AKAP19: variants seen among roughly 807,000 people sequenced by gnomAD.
The protein encoded by AKAP19 is A-kinase anchoring protein 19.
the AKAP19 span, among the ~76,000 whole-genome samples, chr2:190,131,020 A>G: frequency 1.3e-5 from 2 of 152,206 alleles, no homozygotes; most frequent in African/African-American, 2.4e-5. Flanking sequence ...TATAAGAAAT[A>G]TATGTATTGG....
chr2:189,950,343 T>TG, the AKAP19 span, among the ~76,000 whole-genome samples: 12 of 149,646 alleles, frequency 8.0e-5, no homozygotes, highest in Admixed American at 6.0e-4. Flanking sequence ...TGTTTTTTTT[T>TG]TTTGTTTTTT....
the AKAP19 span, among the ~76,000 whole-genome samples, chr2:190,117,536 T>A: frequency 0.012 from 1,834 of 152,316 alleles, 30 homozygotes; most frequent in African/African-American, 0.04. Context: ...ATTGTAATAG[T>A]AGCACAGTAA....
the AKAP19 span, among the ~76,000 whole-genome samples, chr2:190,000,487 C>T: frequency 6.6e-6 from 1 of 152,180 alleles, no homozygotes; most frequent in African/African-American, 2.4e-5. Flanking sequence ...TCTCTATATC[C>T]ATTTGGTGTA....
the AKAP19 span, among the ~76,000 whole-genome samples, chr2:189,979,066 A>G: frequency 6.6e-6 from 1 of 152,150 alleles, no homozygotes; most frequent in African/African-American, 2.4e-5. Flanking sequence ...TTTTCACAGA[A>G]GTAAAAAAAA....
chr2:190,145,612 T>C, the AKAP19 span, among the ~76,000 whole-genome samples: 4 of 152,266 alleles, frequency 2.6e-5, no homozygotes, highest in East Asian at 5.8e-4. Context: ...TATAATTGCC[T>C]GTGGTATTCA....
the AKAP19 span, among the ~76,000 whole-genome samples, chr2:190,007,887 A>G: frequency 1.3e-5 from 2 of 152,128 alleles, no homozygotes; most frequent in Non-Finnish European, 2.9e-5. Flanking sequence ...GCTTGAACCC[A>G]GGAGGCAGAG....
At chr2:189,897,292 C>T in the AKAP19 span, among the ~76,000 whole-genome samples, 1 of 151,912 alleles carries the variant, frequency 6.6e-6, no homozygotes, top group Non-Finnish European at 1.5e-5. Flanking sequence ...TATAACAAAC[C>T]TTGTTATATA....
the AKAP19 span, among the ~76,000 whole-genome samples, chr2:189,958,971 A>G: frequency 6.6e-6 from 1 of 152,134 alleles, no homozygotes; most frequent in African/African-American, 2.4e-5. Context: ...AAGCAAGAAA[A>G]TAAAATACAC....
the AKAP19 span, among the ~76,000 whole-genome samples, chr2:189,952,336 G>A: frequency 3.9e-5 from 6 of 152,062 alleles, no homozygotes; most frequent in Non-Finnish European, 8.8e-5. Flanking sequence ...GGCTTATTTC[G>A]TCTCCTGCCT....
chr2:190,043,519 T>C, the AKAP19 span, among the ~76,000 whole-genome samples: 6 of 152,218 alleles, frequency 3.9e-5, no homozygotes, highest in Non-Finnish European at 7.3e-5. Flanking sequence ...AAATCTTATA[T>C]TGTGTTATTC....
At chr2:190,062,586 A>C in the AKAP19 span, 1 of 1,611,654 alleles carries the variant, frequency 6.2e-7, no homozygotes, top group Non-Finnish European at 8.5e-7. Flanking sequence ...ACAGAGTTGC[A>C]GTTTTTGCAT....
chr2:190,060,063 A>G, the AKAP19 span: 9 of 1,611,816 alleles, frequency 5.6e-6, no homozygotes, highest in African/African-American at 9.4e-5. Flanking sequence ...ATCACTTACC[A>G]GCCCATCTTC....
the AKAP19 span, among the ~76,000 whole-genome samples, chr2:189,963,287 C>T: frequency 2.7e-4 from 41 of 151,330 alleles, no homozygotes; most frequent in Admixed American, 1.3e-3. Context: ...CTTCACCTCC[C>T]AGGTTCACAC....
chr2:190,007,569 A>G, the AKAP19 span, among the ~76,000 whole-genome samples: 1 of 152,228 alleles, frequency 6.6e-6, no homozygotes, highest in Non-Finnish European at 1.5e-5. Flanking sequence ...ATTTTCATTT[A>G]AGGACTGTGC....
the AKAP19 span, among the ~76,000 whole-genome samples, chr2:189,977,355 A>C: frequency 6.6e-6 from 1 of 152,028 alleles, no homozygotes; most frequent in Non-Finnish European, 1.5e-5. Context: ...TTTTCATCTT[A>C]TGGTGTTGAA....
At chr2:189,986,020 T>C in the AKAP19 span, among the ~76,000 whole-genome samples, 1 of 151,960 alleles carries the variant, frequency 6.6e-6, no homozygotes, top group Non-Finnish European at 1.5e-5. Context: ...AAAAAGCAAT[T>C]TACAAAAGCA....
chr2:189,936,642 T>G, the AKAP19 span, among the ~76,000 whole-genome samples: 1 of 142,236 alleles, frequency 7.0e-6, no homozygotes, highest in Non-Finnish European at 1.5e-5. Context: ...TGTCCACAAA[T>G]TTTTTTATTG....
chr2:189,933,344 G>A, the AKAP19 span, among the ~76,000 whole-genome samples: 2 of 152,146 alleles, frequency 1.3e-5, no homozygotes, highest in South Asian at 4.2e-4. Context: ...CTAGCATTAT[G>A]TTTGTCACAC....
the AKAP19 span, among the ~76,000 whole-genome samples, chr2:190,134,884 A>G: frequency 6.6e-6 from 1 of 151,986 alleles, no homozygotes; most frequent in Non-Finnish European, 1.5e-5. Flanking sequence ...GTGTGCATAA[A>G]TATTTTTCTT....
Sources: gnomAD v4.1 joint callset for allele counts (sites outside exome capture counted in the v4.1 genomes callset) on GRCh38, gnomAD v4.1.1 for gene constraint, MANE v1.5 for transcripts, NCBI Gene and HGNC (gene_info 2026-07-23, HGNC 2026-07-21) for gene names.